VMA22: variants seen among roughly 807,000 people sequenced by gnomAD.
VMA22 encodes vacuolar ATPase assembly factor VMA22.
the VMA22 span, chr2:130,341,134 A>G: frequency 1.4e-6 from 2 of 1,396,036 alleles, no homozygotes; most frequent in South Asian, 1.5e-5. Flanking sequence ...TCATGATTCT[A>G]TAAAACACTG....
At chr2:130,341,175 A>T in the VMA22 span, 3 of 1,013,880 alleles carry the variant, frequency 3.0e-6, no homozygotes, top group East Asian at 7.9e-5. Flanking sequence ...TTGGGGTTCC[A>T]GGAAACAGCT....
At chr2:130,341,279 T>G in the VMA22 span, 1 of 570,560 alleles carries the variant, frequency 1.8e-6, no homozygotes, top group Non-Finnish European at 3.1e-6. Context: ...ATGACCCTGT[T>G]TGCCTGTGAC....
the VMA22 span, chr2:130,341,789 G>A: frequency 6.3e-7 from 1 of 1,586,512 alleles, no homozygotes; most frequent in Non-Finnish European, 8.6e-7. Flanking sequence ...TGGCAGCCCG[G>A]GCCTAGAACG....
At chr2:130,341,805 G>GCCCCCCC in the VMA22 span, 3 of 272,764 alleles carry the variant, frequency 1.1e-5, no homozygotes, top group Non-Finnish European at 2.0e-5. Context: ...GAACGCGCCC[G>GCCCCCCC]CCCGCCCACC....
At chr2:130,339,193 C>G in the VMA22 span, 1 of 1,613,992 alleles carries the variant, frequency 6.2e-7, no homozygotes, top group African/African-American at 1.3e-5. Flanking sequence ...CCAGTCAATG[C>G]GGTTCTGGAG....
At chr2:130,340,626 C>T in the VMA22 span, 1 of 446,568 alleles carries the variant, frequency 2.2e-6, no homozygotes, top group East Asian at 4.8e-5. Context: ...TGTTAAGGGC[C>T]TACTTATTTG....
the VMA22 span, chr2:130,341,801 G>GGGGGGGGCCCC: frequency 7.3e-7 from 1 of 1,378,136 alleles, no homozygotes; most frequent in East Asian, 2.5e-5. Context: ...CCTAGAACGC[G>GGGGGGGGCCCC]CCCGCCCGCC....
chr2:130,341,805 G>T, the VMA22 span: 2 of 272,758 alleles, frequency 7.3e-6, no homozygotes, highest in Non-Finnish European at 1.4e-5. Flanking sequence ...GAACGCGCCC[G>T]CCCGCCCACC....
chr2:130,339,943 C>A, the VMA22 span: 1 of 795,538 alleles, frequency 1.3e-6, no homozygotes, highest in Non-Finnish European at 1.7e-6. Context: ...CCAAATCTCT[C>A]TCCAGCCCAG....
At chr2:130,341,107 T>C in the VMA22 span, 19 of 1,477,352 alleles carry the variant, frequency 1.3e-5, no homozygotes, top group Non-Finnish European at 1.7e-5. Flanking sequence ...GGTGACAATG[T>C]TGAGCTTGAT....
chr2:130,342,212 A>G, the VMA22 span: 2 of 1,562,678 alleles, frequency 1.3e-6, no homozygotes, highest in African/African-American at 2.7e-5. Context: ...GAGATCCTCC[A>G]TCAAGGGGCG....
At chr2:130,341,674 G>A in the VMA22 span, 21 of 1,610,954 alleles carry the variant, frequency 1.3e-5, no homozygotes, top group Admixed American at 2.0e-4. Flanking sequence ...CACCTGCTTC[G>A]CGAGGCCCCA....
At chr2:130,342,136 C>A in the VMA22 span, 3 of 1,613,244 alleles carry the variant, frequency 1.9e-6, no homozygotes, top group Non-Finnish European at 2.5e-6. Flanking sequence ...GGACACACCT[C>A]CAGATCTGGA....
the VMA22 span, chr2:130,338,807 C>T: frequency 6.3e-6 from 2 of 316,402 alleles, no homozygotes; most frequent in East Asian, 1.5e-4. Flanking sequence ...GTTCCATCAT[C>T]CAGCCATGAA....
At chr2:130,342,633 T>TG in the VMA22 span, 16 of 478,386 alleles carry the variant, frequency 3.3e-5, no homozygotes, top group Middle Eastern at 1.1e-3. Flanking sequence ...ACGGCGGTGG[T>TG]GGGGGGAGGA....
chr2:130,342,401 C>T, the VMA22 span: 1 of 574,100 alleles, frequency 1.7e-6, no homozygotes. Flanking sequence ...CTGAGTCCTT[C>T]CGGAAGCTGC....
chr2:130,341,106 G>T, the VMA22 span: 1 of 1,479,274 alleles, frequency 6.8e-7, no homozygotes. Flanking sequence ...TGGTGACAAT[G>T]TTGAGCTTGA....
the VMA22 span, chr2:130,341,948 C>A: frequency 5.6e-6 from 9 of 1,613,364 alleles, no homozygotes; most frequent in Non-Finnish European, 7.6e-6. Context: ...GCCAGCCCTG[C>A]AGGGAGAGGA....
the VMA22 span, chr2:130,342,603 A>G: frequency 2.2e-6 from 1 of 463,054 alleles, no homozygotes; most frequent in Non-Finnish European, 3.9e-6. Flanking sequence ...GCGGTTCGTC[A>G]TCTGAAAACT....
Sources: allele counts gnomAD v4.1 joint callset, GRCh38; gene constraint gnomAD v4.1.1; transcripts MANE v1.5; gene names NCBI Gene and HGNC (gene_info 2026-07-23, HGNC 2026-07-21).